PRSS23: variants seen among roughly 807,000 people sequenced by gnomAD.
PRSS23 encodes the protein serine protease 23.
A neutral mutation model predicts 34.7 loss-of-function variants in PRSS23; 25 were observed. That is an observed-to-expected ratio of 0.72 (90% confidence interval 0.53 to 1.01). The LOEUF is 1.01. Among genes scored for constraint, PRSS23 ranks in the 50% least tolerant of loss-of-function variants. The pLI is 0.00. For missense variants in PRSS23, 445 were observed against 475.6 expected (o/e 0.94, Z 0.60); for synonymous variants, 176 against 186.6 (o/e 0.94, Z 0.46).
chr11:86,839,722 A>G (rs570597566), intron 2 of PRSS23, among the ~76,000 whole-genome samples: 1 of 152,050 alleles, frequency 6.6e-6, no homozygotes, highest in South Asian at 2.1e-4. Flanking sequence ...CTACCCAGAA[A>G]GGAAAGTGCA....
chr11:86,858,522 T>C (rs892817846), intron 2 of PRSS23, among the ~76,000 whole-genome samples: 1 of 151,858 alleles, frequency 6.6e-6, no homozygotes, highest in Non-Finnish European at 1.5e-5. Context: ...TTGTTCCTAA[T>C]ATCCAAGGGA....
At chr11:86,943,555 C>T (rs1012374135) in intron 2 of PRSS23, among the ~76,000 whole-genome samples, 16 of 151,544 alleles carry the variant, frequency 1.1e-4, no homozygotes, top group Non-Finnish European at 1.8e-4. Flanking sequence ...ACCAGGGAGG[C>T]GGAGGTTGCA....
chr11:86,875,481 C>T (rs761987735), intron 2 of PRSS23, among the ~76,000 whole-genome samples: 1 of 152,148 alleles, frequency 6.6e-6, no homozygotes, highest in African/African-American at 2.4e-5. Flanking sequence ...TGTGAAAGAC[C>T]GTGCTCTGGT....
At chr11:86,806,678 A>T (rs1948105132) in intron 1 of PRSS23, among the ~76,000 whole-genome samples, 1 of 152,264 alleles carries the variant, frequency 6.6e-6, no homozygotes, top group African/African-American at 2.4e-5. Context: ...GAGCTACCGC[A>T]TCATCCATGT....
At chr11:86,886,347 A>T (rs1948802113) in intron 2 of PRSS23, among the ~76,000 whole-genome samples, 1 of 152,090 alleles carries the variant, frequency 6.6e-6, no homozygotes, top group East Asian at 1.9e-4. Flanking sequence ...CCCATGATGG[A>T]TCATTTGTAG....
intron 1 of PRSS23, among the ~76,000 whole-genome samples, chr11:86,823,179 A>G (rs145232985): frequency 3.8e-4 from 58 of 152,346 alleles, no homozygotes; most frequent in African/African-American, 1.3e-3. Flanking sequence ...GGTAATAAGG[A>G]TGATACATAC....
At chr11:86,862,478 G>A (rs1939107) in intron 2 of PRSS23, among the ~76,000 whole-genome samples, 46,993 of 151,662 alleles carry the variant, frequency 0.31, 7,510 homozygotes, top group Non-Finnish European at 0.35. Flanking sequence ...TCCTAATGTC[G>A]CTGTGGGTGT....
At chr11:86,835,766 C>G (rs548050666) in intron 2 of PRSS23, among the ~76,000 whole-genome samples, 91 of 152,092 alleles carry the variant, frequency 6.0e-4, no homozygotes, top group Non-Finnish European at 1.1e-3. Context: ...CAGAGCTGAG[C>G]CTTTGGTTTG....
upstream of PRSS23, among the ~76,000 whole-genome samples, chr11:86,798,455 GAAGGA>G (rs1565346785): frequency 6.6e-6 from 1 of 152,184 alleles, no homozygotes; most frequent in African/African-American, 2.4e-5. Context: ...TAGATGGAAC[GAAGGA>G]AAGAGGTGAG....
At chr11:86,887,709 G>T (rs1948812528) in intron 2 of PRSS23, among the ~76,000 whole-genome samples, 2 of 152,274 alleles carry the variant, frequency 1.3e-5, no homozygotes, top group South Asian at 4.2e-4. Flanking sequence ...CTGGGAGTAG[G>T]GGTGGGAGGG....
At chr11:86,853,599 A>T (rs1196907778) in intron 2 of PRSS23, among the ~76,000 whole-genome samples, 1 of 152,048 alleles carries the variant, frequency 6.6e-6, no homozygotes, top group Non-Finnish European at 1.5e-5. Flanking sequence ...CATTGTATGA[A>T]TGAACTGCAG....
At chr11:86,884,871 G>T (rs1565376565) in intron 2 of PRSS23, among the ~76,000 whole-genome samples, 2 of 152,032 alleles carry the variant, frequency 1.3e-5, no homozygotes, top group African/African-American at 2.4e-5. Context: ...ACAAAACTTG[G>T]CATCCCTAAA....
chr11:86,888,568 G>A (rs564636661), intron 2 of PRSS23, among the ~76,000 whole-genome samples: 83 of 152,318 alleles, frequency 5.4e-4, no homozygotes, highest in African/African-American at 2.0e-3. Flanking sequence ...CCTGTGTTCG[G>A]TGGAGTTACA....
At chr11:86,925,673 C>G (rs146312666) in intron 2 of PRSS23, among the ~76,000 whole-genome samples, 1 of 152,222 alleles carries the variant, frequency 6.6e-6, no homozygotes, top group East Asian at 1.9e-4. Flanking sequence ...TTGTAACAAC[C>G]AAACAAATTA....
At chr11:86,832,153 T>G (rs1471009200) in intron 2 of PRSS23, among the ~76,000 whole-genome samples, 1 of 152,084 alleles carries the variant, frequency 6.6e-6, no homozygotes, top group Non-Finnish European at 1.5e-5. Context: ...GTTCACCATG[T>G]GCGTACACCC....
At chr11:86,807,277 A>T (rs1948112103) in intron 1 of PRSS23, among the ~76,000 whole-genome samples, 1 of 152,180 alleles carries the variant, frequency 6.6e-6, no homozygotes, top group African/African-American at 2.4e-5. Flanking sequence ...TTTAGAATCA[A>T]GCACAAAGAG....
rs148499920 is a variant in PRSS23, at chr11:86,807,980, G to A, written c.337G>A (p.Ala113Thr). Residue 113 changes from alanine to threonine, a missense_variant, in exon 2 of 2, where the codon GCC becomes ACC. Ala to Thr is a moderately conservative substitution (Grantham distance 58, BLOSUM62 0). Coordinates refer to ENST00000280258, the MANE Select transcript of PRSS23 (RefSeq NM_007173.6). ...CATCCTCAGCAGTAGTGGAGATGGG[G>A]CCCAACACCGAGACTCAGGGTCTTC... ...IYILSSSGDG[A>T]QHRDSGSSGK... is the part of the protein sequence containing the mutation. The A allele has an allele frequency of 1.2e-5, 20 of 1,614,004 alleles. No individual in the cohort carries two copies. The highest frequency in any genetic ancestry group is 1.5e-5 in the Non-Finnish European group (18 of 1,180,030).
intron 2 of PRSS23, among the ~76,000 whole-genome samples, chr11:86,883,172 A>G (rs1269282328): frequency 2.0e-5 from 3 of 152,168 alleles, no homozygotes; most frequent in Admixed American, 1.3e-4. Context: ...ACTCCGTTGA[A>G]AAAAGAGTCT....
At chr11:86,927,869 A>G (rs972151988) in intron 2 of PRSS23, among the ~76,000 whole-genome samples, 3 of 151,846 alleles carry the variant, frequency 2.0e-5, no homozygotes, top group African/African-American at 7.3e-5. Context: ...TAAACCCAGG[A>G]GGTGGAGGTT....
Sources: gnomAD v4.1 joint callset for allele counts (sites outside exome capture counted in the v4.1 genomes callset) on GRCh38, gnomAD v4.1.1 for gene constraint, MANE v1.5 for transcripts, NCBI Gene and HGNC (gene_info 2026-07-23, HGNC 2026-07-21) for gene names.